Variants in SLC28A1 observed in about 807,000 individuals in gnomAD.
The protein encoded by SLC28A1 is solute carrier family 28 member 1.
Under a neutral mutation model 74.8 loss-of-function variants are expected in SLC28A1, and 64 were observed. The ratio of observed to expected loss-of-function variants is 0.86; its 90% confidence interval spans 0.70 to 1.05. The LOEUF (loss-of-function observed/expected upper bound fraction) is 1.05. Among genes scored for constraint, SLC28A1 ranks in the 50% least tolerant of loss-of-function variants. SLC28A1 has a pLI of 0.00. For synonymous variants in SLC28A1, 359 were observed against 335.0 expected (o/e 1.07, Z -0.78); for missense variants, 828 against 822.8 (o/e 1.01, Z -0.08).
At chr15:84,953,051 A>C in the SLC28A1 span, among the ~76,000 whole-genome samples, 7 of 152,238 alleles carry the variant, frequency 4.6e-5, no homozygotes, top group Non-Finnish European at 1.0e-4. Flanking sequence ...ATCAATTAGA[A>C]GACAAATAAG....
chr15:84,956,566 C>T, the SLC28A1 span, among the ~76,000 whole-genome samples: 1 of 151,594 alleles, frequency 6.6e-6, no homozygotes, highest in Non-Finnish European at 1.5e-5. Context: ...AATCATGGCT[C>T]ACTGCAGCCT....
chr15:84,947,219 G>A (rs979747258), downstream of SLC28A1, among the ~76,000 whole-genome samples: 2 of 152,212 alleles, frequency 1.3e-5, no homozygotes, highest in Admixed American at 6.5e-5. Flanking sequence ...CTAGGCTCTT[G>A]CCTTCTCTCT....
chr15:84,895,126 G>A lies in SLC28A1; in HGVS notation c.461+3G>A, dbSNP rs200210024. On this transcript the variant is annotated splice_donor_region_variant and intron_variant, in intron 6 of 18. Coordinates refer to ENST00000394573, the MANE Select transcript of SLC28A1 (RefSeq NM_004213.5). ...CGCCTGCTGCTCTGGTTTAAGAGGT[G>A]AGTGAGCTCACAGCCCCGAGGCAGG... is the stretch of plus-strand genomic sequence containing the variant. The A allele has an allele frequency of 7.4e-6, 12 of 1,613,806 alleles. No individual in the cohort carries two copies. In the African/African-American group the frequency reaches 1.1e-4, roughly 14 times the overall value.
In SLC28A1 at chr15:84,904,020, G is replaced by A. The variant is rs1222285518; in HGVS notation, c.462-77G>A. 1.9e-6 allele frequency: 3 copies of A among 1,599,176 alleles called. No homozygotes were observed. In the African/African-American group the frequency reaches 4.0e-5, roughly 21 times the overall value. On this transcript the variant is annotated intron_variant, in intron 6 of 18. Coordinates refer to ENST00000394573, the MANE Select transcript of SLC28A1 (RefSeq NM_004213.5). Reference sequence around the variant, plus strand: ...CCAGCCCTGAGCACCCTTTCTCTGGGTCCCCGGGTGCTATTGTGTGTGGGT... The same window carrying A: ...CCAGCCCTGAGCACCCTTTCTCTGGATCCCCGGGTGCTATTGTGTGTGGGT...
the SLC28A1 span, among the ~76,000 whole-genome samples, chr15:84,955,659 C>G: frequency 6.6e-6 from 1 of 152,188 alleles, no homozygotes; most frequent in Admixed American, 6.5e-5. Context: ...GCACAGAGCC[C>G]CAGGAGGGCT....
chr15:84,929,231 C>G (rs28375890), intron 12 of SLC28A1, among the ~76,000 whole-genome samples: 61,984 of 151,836 alleles, frequency 0.41, 13,483 homozygotes, highest in Middle Eastern at 0.59. Context: ...TTAATTTAAC[C>G]TATTTCTTTT....
rs543054089 is a variant in SLC28A1 at position 84,934,971 on chromosome 15, C to A, written c.1215-55C>A. 8 of 1,480,534 alleles carry A rather than the reference C, an allele frequency of 5.4e-6. No homozygotes were observed. In the South Asian group the frequency reaches 6.8e-5, roughly 13 times the overall value. 91.7% of individuals were successfully genotyped at this position (1,480,534 alleles called of 1,614,324 possible). A position where few individuals can be genotyped will look rare whatever the true frequency, so the allele number is the denominator to read the frequency against. On this transcript the variant is annotated intron_variant, in intron 13 of 18. Transcript: ENST00000394573. ...CCTATTTGAGCCTATAGGATAGGGA[C>A]CCTTGCTGGTTGTGGAGACAGGCCA...
At chr15:84,948,225 C>A (rs2079299359), downstream of SLC28A1, among the ~76,000 whole-genome samples, 1 of 152,154 alleles carries the variant, frequency 6.6e-6, no homozygotes, top group Non-Finnish European at 1.5e-5. Flanking sequence ...GTTAATTAGT[C>A]CTGACCTCTT....
chr15:84,895,910 A>C, intron 6 of SLC28A1: 1 of 1,003,062 alleles, frequency 1.0e-6, no homozygotes, highest in African/African-American at 1.7e-5. Flanking sequence ...TCACTTTCCC[A>C]AAGTGAGATC....
intron 1 of SLC28A1, chr15:84,886,337 A>C: frequency 2.0e-6 from 2 of 985,404 alleles, no homozygotes; most frequent in Non-Finnish European, 1.2e-6. Context: ...GATAAAATGC[A>C]AAAAGCTAAC....
intron 6 of SLC28A1, among the ~76,000 whole-genome samples, chr15:84,902,346 G>A (rs1165853502): frequency 6.6e-6 from 1 of 152,078 alleles, no homozygotes. Context: ...TGGGCATGGG[G>A]GTGCATCCCT....
rs978446009 is a variant in SLC28A1, at chr15:84,895,655, A to T, written c.461+532A>T. The T allele has an allele frequency of 2.1e-6, 3 of 1,425,748 alleles. No homozygotes were observed. In the African/African-American group the frequency reaches 4.3e-5, roughly 20 times the overall value. 88.3% of individuals were successfully genotyped at this position (1,425,748 alleles called of 1,614,324 possible). A position where few individuals can be genotyped will look rare whatever the true frequency, so the allele number is the denominator to read the frequency against. On this transcript the variant is annotated intron_variant, in intron 6 of 18. Coordinates refer to ENST00000394573, the MANE Select transcript of SLC28A1 (RefSeq NM_004213.5). ...ACAGGGCAGGAGAGGGAGGTTGTGG[A>T]GGGAAAATTCAGACTTCCCGCCCAG...
At chr15:84,915,863 C>G (rs1301513044) in intron 9 of SLC28A1, among the ~76,000 whole-genome samples, 1 of 152,182 alleles carries the variant, frequency 6.6e-6, no homozygotes, top group Non-Finnish European at 1.5e-5. Flanking sequence ...GGGCCCTGTC[C>G]TTAGCTCCTG....
At chr15:84,897,115 G>C (rs1315379166) in intron 6 of SLC28A1, among the ~76,000 whole-genome samples, 1 of 151,662 alleles carries the variant, frequency 6.6e-6, no homozygotes, top group Non-Finnish European at 1.5e-5. Flanking sequence ...GGTGGCTCAC[G>C]CCTGTAATCC....
At chr15:84,962,711 G>C in the SLC28A1 span, among the ~76,000 whole-genome samples, 5 of 152,202 alleles carry the variant, frequency 3.3e-5, no homozygotes, top group African/African-American at 1.2e-4. Flanking sequence ...GGCCAAGGGT[G>C]GGCCTTTGAG....
At chr15:84,970,823 C>G in the SLC28A1 span, among the ~76,000 whole-genome samples, 2 of 149,362 alleles carry the variant, frequency 1.3e-5, no homozygotes, top group Non-Finnish European at 1.5e-5. Context: ...CATGGTGAGA[C>G]CTCATATCTA....
the SLC28A1 span, among the ~76,000 whole-genome samples, chr15:84,958,969 G>A: frequency 5.9e-5 from 9 of 151,654 alleles, no homozygotes; most frequent in South Asian, 1.9e-3. Flanking sequence ...GTTGAGTGGT[G>A]CACACCTGTA....
At chr15:84,958,189 G>T in the SLC28A1 span, among the ~76,000 whole-genome samples, 1 of 152,076 alleles carries the variant, frequency 6.6e-6, no homozygotes, top group Non-Finnish European at 1.5e-5. Context: ...AAATCCGCAA[G>T]CTCTGAGAGC....
chr15:84,931,548 A>C (rs1016842643), intron 12 of SLC28A1, among the ~76,000 whole-genome samples: 2 of 139,188 alleles, frequency 1.4e-5, no homozygotes, highest in Non-Finnish European at 3.0e-5. Flanking sequence ...GCTACTTGGG[A>C]GGCTGAGGCA....
Sources: gnomAD v4.1 joint callset for allele counts (sites outside exome capture counted in the v4.1 genomes callset) on GRCh38, gnomAD v4.1.1 for gene constraint, MANE v1.5 for transcripts, NCBI Gene and HGNC (gene_info 2026-07-23, HGNC 2026-07-21) for gene names.